MICAL3: variants seen among roughly 807,000 people sequenced by gnomAD.
MICAL3 encodes [F-actin]-monooxygenase MICAL3.
In MICAL3, 62 loss-of-function variants were observed where a neutral mutation model predicts 207.4. The ratio of observed to expected loss-of-function variants is 0.30; its 90% CI spans 0.24 to 0.37. The LOEUF is 0.37. Among genes scored for constraint, MICAL3 ranks in the 10% least tolerant of loss-of-function variants. MICAL3 has a pLI of 1.00. For missense variants in MICAL3, 2,368 were observed against 2,635.6 expected (o/e 0.90, Z 2.22); for synonymous variants, 1,077 against 1,069.3 (o/e 1.01, Z -0.14).
At chr22:17,910,846 G>A (rs1435640505) in intron 1 of MICAL3, among the ~76,000 whole-genome samples, 1 of 152,160 alleles carries the variant, frequency 6.6e-6, no homozygotes, top group African/African-American at 2.4e-5. Context: ...CATTCCTTAA[G>A]GTCAAAGCCA....
intron 16 of MICAL3, chr22:17,875,370 G>T: frequency 1.2e-6 from 1 of 855,516 alleles, no homozygotes; most frequent in South Asian, 2.0e-5. Flanking sequence ...AGCCTCCTGG[G>T]GTACATGACA....
chr22:17,956,482 A>C (rs554807089), intron 1 of MICAL3, among the ~76,000 whole-genome samples: 97 of 152,122 alleles, frequency 6.4e-4, no homozygotes, highest in Non-Finnish European at 1.2e-3. Context: ...TCAGCCTGAC[A>C]AACATGGAGA....
Position 17,902,813 on chromosome 22 carries a change from G to C in MICAL3, c.473-66C>G. Reference sequence around the variant, plus strand: ...GAAGGGGGTACCCATCCGTGTCGCAGCTCAGGCTCCCACCCCGCCACCTAC... The same window carrying C: ...GAAGGGGGTACCCATCCGTGTCGCACCTCAGGCTCCCACCCCGCCACCTAC... On this transcript the variant is annotated intron_variant, in intron 3 of 31. Coordinates refer to ENST00000441493, the MANE Select transcript of MICAL3 (RefSeq NM_015241.3). The surrounding 1 kb of genome is among the most constrained non-coding windows in gnomAD (Gnocchi z 4.5). The C allele has an allele frequency of 3.0e-6, 3 of 1,008,946 alleles. No individual in the cohort carries two copies. In the South Asian group the frequency reaches 4.4e-5, roughly 15 times the overall value. 62.5% of individuals were successfully genotyped at this position (1,008,946 alleles called of 1,614,324 possible). A position where few individuals can be genotyped will look rare whatever the true frequency, so the allele number is the denominator to read the frequency against.
chr22:17,845,795 C>T (rs1193552817), intron 19 of MICAL3, among the ~76,000 whole-genome samples: 2 of 152,220 alleles, frequency 1.3e-5, no homozygotes, highest in East Asian at 1.9e-4. Flanking sequence ...CTTTGGGCAT[C>T]TTCACCATTG....
intron 1 of MICAL3, among the ~76,000 whole-genome samples, chr22:17,997,710 C>T (rs1922449445): frequency 6.6e-6 from 1 of 152,214 alleles, no homozygotes; most frequent in Non-Finnish European, 1.5e-5. Flanking sequence ...CACTCACTAT[C>T]ACTCCCTTGA....
intron 19 of MICAL3, chr22:17,860,875 C>T: frequency 1.0e-6 from 1 of 985,402 alleles, no homozygotes; most frequent in Non-Finnish European, 1.2e-6. Flanking sequence ...TCCCGTGGTT[C>T]TCAGAACCAG....
intron 16 of MICAL3, among the ~76,000 whole-genome samples, chr22:17,882,840 GGT>G (rs1297137416): frequency 1.3e-5 from 2 of 152,112 alleles, no homozygotes; most frequent in Non-Finnish European, 2.9e-5. Context: ...TGACTTTCAT[GGT>G]TCTATTCCAC....
At chr22:17,946,012 T>C (rs914640425) in intron 1 of MICAL3, among the ~76,000 whole-genome samples, 2 of 152,062 alleles carry the variant, frequency 1.3e-5, no homozygotes, top group African/African-American at 2.4e-5. Flanking sequence ...AAAATCCAGA[T>C]TGAAAGTCAG....
Position 17,788,661 on chromosome 22 carries a change from C to G in MICAL3, c.*2071G>C, listed in dbSNP as rs1313601736. ...AAGTAAAGAGAAAAGAAAAGGAGAC[C>G]TTTGCCTCACGTGAGAACAGGTGGA... is the stretch of plus-strand genomic sequence containing the variant. On this transcript the variant is annotated 3_prime_UTR_variant, in exon 32 of 32. Coordinates refer to ENST00000441493, the MANE Select transcript of MICAL3 (RefSeq NM_015241.3). 1 of 152,262 alleles carries G rather than the reference C, an allele frequency of 6.6e-6. No individual in the cohort carries two copies. Among genetic ancestry groups the G allele is most frequent in the Non-Finnish European group, 1.5e-5 (1 of 68,042 alleles). 9.4% of individuals were successfully genotyped at this position (152,262 alleles called of 1,614,324 possible). A position where few individuals can be genotyped will look rare whatever the true frequency, so the allele number is the denominator to read the frequency against.
chr22:17,877,108 T>G (rs371678419), intron 16 of MICAL3, among the ~76,000 whole-genome samples: 148 of 99,762 alleles, frequency 1.5e-3, no homozygotes, highest in African/African-American at 3.8e-3. Flanking sequence ...AGGGAGGTTA[T>G]GGAGGTTAGG....
At chr22:17,865,041 T>G in intron 18 of MICAL3, 55 bp from the exon 19 acceptor site, 1 of 1,541,206 alleles carries the variant, frequency 6.5e-7, no homozygotes, top group Admixed American at 2.0e-5. Flanking sequence ...ACTCAAATCC[T>G]CAAATCCCTA....
intron 25 of MICAL3, 54 bp downstream of exon 25, chr22:17,821,373 G>T: frequency 1.4e-6 from 2 of 1,453,954 alleles, no homozygotes; most frequent in Non-Finnish European, 1.9e-6. Context: ...GTTAATATGT[G>T]TCCTTGGGGT....
chr22:17,905,795 A>C (rs1931669813), intron 2 of MICAL3, among the ~76,000 whole-genome samples: 1 of 152,200 alleles, frequency 6.6e-6, no homozygotes. Context: ...ACCTACCCCG[A>C]CAAAGGCAAG....
rs913256649 is a variant in MICAL3, at chr22:17,848,909, C to T, written c.2606-6892G>A. Among the ~76,000 whole-genome samples the T allele has an allele frequency of 2.6e-5, 4 of 152,216 alleles. No homozygotes were observed. In the South Asian group the frequency reaches 8.3e-4, roughly 31 times the overall value. On this transcript the variant is annotated intron_variant, in intron 19 of 31. Coordinates refer to ENST00000441493, the MANE Select transcript of MICAL3 (RefSeq NM_015241.3). The stretch of plus-strand genomic sequence containing the variant: ...GGGGCTCACATTTTTATACCGTTGA[C>T]AGCTATGTTCTCATTCCAGGAGGGC...
At chr22:17,809,431 C>G (rs1188509937) in intron 28 of MICAL3, among the ~76,000 whole-genome samples, 1 of 152,170 alleles carries the variant, frequency 6.6e-6, no homozygotes, top group East Asian at 1.9e-4. Flanking sequence ...GTCAAGAGAT[C>G]AAGACCCTCC....
intron 19 of MICAL3, among the ~76,000 whole-genome samples, chr22:17,856,608 C>CTTTTTTTT (rs57588188): frequency 4.2e-5 from 4 of 94,882 alleles, no homozygotes; most frequent in African/African-American, 8.5e-5. Context: ...AAAATGTTTA[C>CTTTTTTTT]TTTTTTTTTT....
At chr22:17,915,307 C>A (rs569966547) in intron 1 of MICAL3, among the ~76,000 whole-genome samples, 1 of 152,314 alleles carries the variant, frequency 6.6e-6, no homozygotes, top group South Asian at 2.1e-4. Flanking sequence ...AAAGGGCTAC[C>A]CGGTCACCTA....
chr22:17,969,409 T>C (rs560439911), intron 1 of MICAL3, among the ~76,000 whole-genome samples: 49 of 152,204 alleles, frequency 3.2e-4, no homozygotes, highest in Non-Finnish European at 6.3e-4. Context: ...AATGAGCAGT[T>C]TGTCCGCAGA....
chr22:17,929,732 TA>T (rs1459299541), intron 1 of MICAL3, among the ~76,000 whole-genome samples: 1 of 152,110 alleles, frequency 6.6e-6, no homozygotes, highest in Non-Finnish European at 1.5e-5. Context: ...CACGCCTGGC[TA>T]ATTTTTTGTA....
Sources: gnomAD v4.1 joint callset for allele counts (sites outside exome capture counted in the v4.1 genomes callset) on GRCh38, gnomAD v4.1.1 for gene constraint, Gnocchi (gnomAD v3.1) non-coding constraint, MANE v1.5 for transcripts, NCBI Gene and HGNC (gene_info 2026-07-23, HGNC 2026-07-21) for gene names.